FAM114A2: variants seen among roughly 807,000 people sequenced by gnomAD.
The protein encoded by FAM114A2 is protein FAM114A2.
In FAM114A2, 53 loss-of-function variants were observed where a neutral mutation model predicts 58.4. That is an observed-to-expected ratio of 0.91 (90% CI 0.73 to 1.14). The LOEUF (loss-of-function observed/expected upper bound fraction) is 1.14, where lower values mean the gene tolerates loss of function less well. Ranked by LOEUF, FAM114A2 falls within the 50% of genes most tolerant of loss-of-function variation. The pLI is 0.00. For synonymous variants in FAM114A2, 228 were observed against 211.4 expected, an observed-to-expected ratio of 1.08 and a Z score of -0.68; for missense variants, 601 against 581.1, an observed-to-expected ratio of 1.03 and a Z score of -0.35.
intron 8 of FAM114A2, among the ~76,000 whole-genome samples, chr5:154,021,404 T>C (rs1479137695): frequency 6.6e-6 from 1 of 152,182 alleles, no homozygotes; most frequent in East Asian, 1.9e-4. Flanking sequence ...AACCCCATTG[T>C]CTCAGCCCAA....
chr5:154,003,617 A>AG (rs1274455436), intron 9 of FAM114A2, among the ~76,000 whole-genome samples: 3 of 152,184 alleles, frequency 2.0e-5, no homozygotes, highest in Admixed American at 2.0e-4. Context: ...CATCCCTAGA[A>AG]GGTCCCTTCA....
At chr5:154,012,480 T>C (rs181730423) in intron 8 of FAM114A2, among the ~76,000 whole-genome samples, 1 of 152,246 alleles carries the variant, frequency 6.6e-6, no homozygotes, top group Admixed American at 6.5e-5. Context: ...TCTAGCAATC[T>C]ATTTACAGTC....
intron 9 of FAM114A2, 101 bp from the exon 10 acceptor site, chr5:154,003,070 TGTTCTTACCTGAACGTACCA>T: frequency 1.0e-6 from 1 of 987,424 alleles, no homozygotes; most frequent in South Asian, 1.4e-5. Context: ...TAAGGGCTCC[TGTTCTTACCTGAACGTACCA>T]TCTAGCTTTT....
intron 4 of FAM114A2, among the ~76,000 whole-genome samples, chr5:154,033,433 T>C (rs1008150647): frequency 4.6e-5 from 7 of 152,220 alleles, no homozygotes; most frequent in Non-Finnish European, 8.8e-5. Flanking sequence ...ATTTTTATCA[T>C]GTCACAACAG....
intron 8 of FAM114A2, among the ~76,000 whole-genome samples, chr5:154,021,719 T>G (rs926203493): frequency 2.0e-5 from 3 of 152,166 alleles, no homozygotes; most frequent in Non-Finnish European, 2.9e-5. Flanking sequence ...ATGGCCATAC[T>G]GCCCAAGGTA....
chr5:154,012,984 G>T (rs1770799049), intron 8 of FAM114A2, among the ~76,000 whole-genome samples: 1 of 150,928 alleles, frequency 6.6e-6, no homozygotes, highest in Non-Finnish European at 1.5e-5. Context: ...CATTATTATG[G>T]TAGTACATAT....
At chr5:154,032,482 T>C (rs923554264) in intron 4 of FAM114A2, among the ~76,000 whole-genome samples, 1 of 152,148 alleles carries the variant, frequency 6.6e-6, no homozygotes, top group Non-Finnish European at 1.5e-5. Flanking sequence ...ACCCCCTTTT[T>C]CCTTGGCTGC....
rs950280343 is a variant in FAM114A2 at position 154,023,595 on chromosome 5, T to A, written c.913+2804A>T. On this transcript the variant is annotated intron_variant, in intron 8 of 13. Coordinates refer to ENST00000351797, the MANE Select transcript of FAM114A2 (RefSeq NM_018691.4). ...CTATGAGGATGCAAAGGCTTAAGAA[T>A]GACACAATGGGCTTCGGGGACTCAG... is the stretch of plus-strand genomic sequence containing the variant. Among the ~76,000 whole-genome samples the A allele has an allele frequency of 4.0e-4, 61 of 152,186 alleles. 1 individual carries two copies. Among genetic ancestry groups the A allele is most frequent in the African/African-American group, 1.4e-3 (60 of 41,546 alleles).
intron 8 of FAM114A2, among the ~76,000 whole-genome samples, chr5:154,023,639 G>C (rs1459932705): frequency 6.6e-6 from 1 of 152,100 alleles, no homozygotes; most frequent in East Asian, 1.9e-4. Flanking sequence ...GATGGGAAGG[G>C]AGTGTGGTGT....
At chr5:154,007,380 C>T (rs1770424244) in intron 9 of FAM114A2, among the ~76,000 whole-genome samples, 1 of 152,134 alleles carries the variant, frequency 6.6e-6, no homozygotes, top group Non-Finnish European at 1.5e-5. Context: ...CCAGGCCACA[C>T]CACATGTGAG....
chr5:154,028,358 T>C (rs1287737457), intron 5 of FAM114A2, 75 bp from the exon 6 acceptor site: 6 of 1,011,660 alleles, frequency 5.9e-6, no homozygotes, highest in African/African-American at 1.6e-5. Context: ...ATGTATTTAT[T>C]ATATAAAAAT....
At chr5:153,994,592 C>A in intron 13 of FAM114A2, 1 of 205,926 alleles carries the variant, frequency 4.9e-6, no homozygotes, top group Non-Finnish European at 9.9e-6. Flanking sequence ...CAGTGCTTAC[C>A]TGTTTATAAT....
intron 10 of FAM114A2, 67 bp from the exon 11 acceptor site, chr5:154,002,457 C>T (rs939303592): frequency 5.2e-5 from 78 of 1,502,576 alleles, no homozygotes; most frequent in Non-Finnish European, 6.0e-5. Flanking sequence ...CACCTTACTT[C>T]TCTCATACTA....
rs1403499009 is a variant in FAM114A2, at chr5:154,002,316, A to G, written c.1191T>C (p.Ala397=). ...ACSIELFHKT[A]ALVLHGRKQE... ...GCTTCCTGCCATGCAGAACCAATGCAGCTGTTTTGTGGAATAGTTCAATTG... is the reference window on the plus strand; with the variant it reads ...GCTTCCTGCCATGCAGAACCAATGCGGCTGTTTTGTGGAATAGTTCAATTG... Residue 397 remains alanine, a synonymous_variant, in exon 11 of 14, where the codon GCT becomes GCC. Coordinates refer to ENST00000351797, the MANE Select transcript of FAM114A2 (RefSeq NM_018691.4). 4.3e-6 allele frequency: 7 copies of G among 1,614,090 alleles called. No homozygotes were observed. Among genetic ancestry groups the G allele is most frequent in the Admixed American group, 1.7e-5 (1 of 60,028 alleles).
intron 5 of FAM114A2, among the ~76,000 whole-genome samples, chr5:154,029,077 C>T (rs1014871228): frequency 2.6e-5 from 4 of 152,158 alleles, no homozygotes; most frequent in African/African-American, 9.7e-5. Flanking sequence ...AATCCTCTTA[C>T]AAATGTTTTT....
rs549118485 is a variant in FAM114A2, at chr5:154,000,874, T to C, written c.1256+1377A>G. On this transcript the variant is annotated intron_variant, in intron 11 of 13. Transcript: ENST00000351797. ...CATTTAGAAAAGTTAAAATATGTAT[T>C]AATTAATTCTCAGTTCTTAATAATA... Among the ~76,000 whole-genome samples, 6 of 152,292 alleles carry C rather than the reference T, an allele frequency of 3.9e-5. No homozygotes were observed. In the East Asian group the frequency reaches 7.7e-4, roughly 20 times the overall value.
intron 8 of FAM114A2, among the ~76,000 whole-genome samples, chr5:154,016,504 C>A (rs188774388): frequency 6.6e-6 from 1 of 152,250 alleles, no homozygotes; most frequent in Admixed American, 6.5e-5. Flanking sequence ...AATTTTGTAT[C>A]CAGTGAAACT....
At chr5:154,011,388 G>C in intron 8 of FAM114A2, 68 bp from the exon 9 acceptor site, 1 of 1,006,812 alleles carries the variant, frequency 9.9e-7, no homozygotes, top group African/African-American at 1.6e-5. Flanking sequence ...GGCAGGCGAG[G>C]AGGAAGAGGA....
At chr5:154,028,046 G>T (rs1316908361) in intron 6 of FAM114A2, 103 bp downstream of exon 6, 2 of 1,068,392 alleles carry the variant, frequency 1.9e-6, no homozygotes, top group African/African-American at 3.2e-5. Context: ...AAACATTATT[G>T]AAAATGCTTG....
Sources: gnomAD v4.1 joint callset for allele counts (sites outside exome capture counted in the v4.1 genomes callset) on GRCh38, gnomAD v4.1.1 for gene constraint, MANE v1.5 for transcripts, NCBI Gene and HGNC (gene_info 2026-07-23, HGNC 2026-07-21) for gene names.